The following ANO10 variants were observed in gnomAD, a reference collection of about 807,000 sequenced individuals.
ANO10 encodes the protein anoctamin 10.
In ANO10, 77 loss-of-function variants were observed where a neutral mutation model predicts 74.7. The ratio of observed to expected loss-of-function variants is 1.03; its 90% CI spans 0.86 to 1.25. ANO10 has a LOEUF of 1.25. Among genes scored for constraint, ANO10 ranks in the 50% most tolerant of loss-of-function variants. The pLI is 0.00. For missense variants in ANO10, 721 were observed against 778.1 expected, an observed-to-expected ratio of 0.93 and a Z score of 0.87; for synonymous variants, 279 against 284.9, an observed-to-expected ratio of 0.98 and a Z score of 0.21.
intron 1 of ANO10, among the ~76,000 whole-genome samples, chr3:43,654,136 T>C (rs1016880681): frequency 4.6e-5 from 7 of 152,076 alleles, no homozygotes; most frequent in Non-Finnish European, 1.0e-4. Flanking sequence ...TATAAACCTG[T>C]TCATTTCATT....
intron 1 of ANO10, among the ~76,000 whole-genome samples, chr3:43,675,799 T>G (rs1014311569): frequency 6.6e-6 from 1 of 152,122 alleles, no homozygotes; most frequent in African/African-American, 2.4e-5. Flanking sequence ...GTGGAGAAAC[T>G]AGGTTGATCA....
intron 1 of ANO10, among the ~76,000 whole-genome samples, chr3:43,680,699 A>T (rs1473767682): frequency 6.6e-6 from 1 of 152,262 alleles, no homozygotes; most frequent in African/African-American, 2.4e-5. Context: ...CGGGTTACCC[A>T]CAAAGGGAAG....
intron 12 of ANO10, among the ~76,000 whole-genome samples, chr3:43,383,241 C>T (rs1021180713): frequency 6.6e-6 from 1 of 152,106 alleles, no homozygotes; most frequent in Non-Finnish European, 1.5e-5. Flanking sequence ...ATCACGAGGT[C>T]AGGAGATCCA....
chr3:43,610,154 T>A (rs1451618511), intron 1 of ANO10, among the ~76,000 whole-genome samples: 1 of 151,806 alleles, frequency 6.6e-6, no homozygotes, highest in Non-Finnish European at 1.5e-5. Flanking sequence ...AACTTTTTTT[T>A]AAAAACTAAG....
chr3:43,459,434 G>A (rs1340579400), intron 11 of ANO10, among the ~76,000 whole-genome samples: 1 of 152,190 alleles, frequency 6.6e-6, no homozygotes, highest in Non-Finnish European at 1.5e-5. Context: ...CTGTGAAGAG[G>A]CTAAGGGTGA....
intron 1 of ANO10, among the ~76,000 whole-genome samples, chr3:43,630,625 G>A (rs1230448669): frequency 1.3e-5 from 2 of 152,146 alleles, no homozygotes; most frequent in Admixed American, 1.3e-4. Context: ...CTTGGCAGTG[G>A]TTGTTACCTC....
intron 12 of ANO10, among the ~76,000 whole-genome samples, chr3:43,386,528 T>C (rs1385946517): frequency 6.6e-6 from 1 of 152,166 alleles, no homozygotes; most frequent in East Asian, 1.9e-4. Context: ...CCTCACTGTG[T>C]GCTGGGTCTC....
chr3:43,634,295 T>C (rs2083582844), intron 1 of ANO10, among the ~76,000 whole-genome samples: 1 of 152,188 alleles, frequency 6.6e-6, no homozygotes, highest in Non-Finnish European at 1.5e-5. Flanking sequence ...TACATGTCTT[T>C]TAATAATTAA....
intron 11 of ANO10, among the ~76,000 whole-genome samples, chr3:43,534,057 T>C (rs141590074): frequency 0.024 from 3,666 of 152,320 alleles, 99 homozygotes; most frequent in Non-Finnish European, 0.034. Flanking sequence ...AGGGAATTTG[T>C]TGACTGGGAG....
chr3:43,657,713 T>G (rs2083873598), intron 1 of ANO10, among the ~76,000 whole-genome samples: 1 of 152,218 alleles, frequency 6.6e-6, no homozygotes, highest in Admixed American at 6.5e-5. Flanking sequence ...TCTGGCCCTG[T>G]TATCCAGCCT....
At chr3:43,587,103 C>A (rs1234257466) in intron 4 of ANO10, among the ~76,000 whole-genome samples, 3 of 151,724 alleles carry the variant, frequency 2.0e-5, no homozygotes, top group African/African-American at 2.4e-5. Context: ...TTATGTCCAA[C>A]CAAAAAAAAA....
intron 11 of ANO10, among the ~76,000 whole-genome samples, chr3:43,548,329 C>CT (rs2079295884): frequency 1.3e-5 from 2 of 152,186 alleles, no homozygotes; most frequent in African/African-American, 2.4e-5. Context: ...AAAGGTAACT[C>CT]TGTCTTGTTT....
intron 12 of ANO10, among the ~76,000 whole-genome samples, chr3:43,390,767 G>C (rs2092255554): frequency 6.6e-6 from 1 of 152,184 alleles, no homozygotes; most frequent in Non-Finnish European, 1.5e-5. Flanking sequence ...ACTCAAAAGT[G>C]CAACTAGCAA....
intron 12 of ANO10, among the ~76,000 whole-genome samples, chr3:43,423,443 C>T (rs1559530004): frequency 1.3e-5 from 2 of 152,212 alleles, no homozygotes. Context: ...GAGTCATCAC[C>T]TGGCCCTCGG....
At chr3:43,654,985 T>C (rs1489074328) in intron 1 of ANO10, among the ~76,000 whole-genome samples, 6 of 152,230 alleles carry the variant, frequency 3.9e-5, no homozygotes, top group African/African-American at 1.4e-4. Flanking sequence ...TTTATCTTTC[T>C]TAGAAGCAAA....
intron 6 of ANO10, among the ~76,000 whole-genome samples, chr3:43,576,000 G>A (rs1265885815): frequency 1.3e-5 from 2 of 152,132 alleles, no homozygotes; most frequent in Non-Finnish European, 2.9e-5. Flanking sequence ...ATAATATAGC[G>A]AATTTGTTCA....
At chr3:43,561,914 T>C (rs902703092) in intron 8 of ANO10, among the ~76,000 whole-genome samples, 6 of 152,216 alleles carry the variant, frequency 3.9e-5, no homozygotes, top group African/African-American at 1.4e-4. Flanking sequence ...GACTGCAACA[T>C]ATAAATCTAA....
intron 1 of ANO10, chr3:43,689,431 AG>A (rs947228976): frequency 2.6e-5 from 4 of 152,156 alleles, no homozygotes; most frequent in African/African-American, 9.7e-5. Context: ...CTGTATTTGG[AG>A]GTCACTTTGA....
chr3:43,599,088 TC>T (rs1384775196), intron 3 of ANO10, among the ~76,000 whole-genome samples: 3 of 152,220 alleles, frequency 2.0e-5, no homozygotes, highest in Non-Finnish European at 4.4e-5. Context: ...CCCATTCCAT[TC>T]CCTTCTGCAG....
Sources: allele counts gnomAD v4.1 joint callset (sites outside exome capture counted in the v4.1 genomes callset), GRCh38; gene constraint gnomAD v4.1.1; transcripts MANE v1.5; gene names NCBI Gene and HGNC (gene_info 2026-07-23, HGNC 2026-07-21).